GPLD1: variants seen among roughly 807,000 people sequenced by gnomAD.
The protein encoded by GPLD1 is glycosylphosphatidylinositol specific phospholipase D1, also known as phosphatidylinositol-glycan-specific phospholipase D.
Under a neutral mutation model 112.6 loss-of-function variants are expected in GPLD1, and 84 were observed. The observed-to-expected ratio is 0.75, with a 90% CI of 0.63 to 0.89. The LOEUF is 0.89. Among genes scored for constraint, GPLD1 ranks in the 40% least tolerant of loss-of-function variants. The pLI is 0.00. For synonymous variants in GPLD1, 386 were observed against 403.8 expected, an observed-to-expected ratio of 0.96 and a Z score of 0.53; for missense variants, 1,044 against 1,051.5, an observed-to-expected ratio of 0.99 and a Z score of 0.10.
intron 3 of GPLD1, among the ~76,000 whole-genome samples, chr6:24,477,721 C>T (rs755076623): frequency 3.3e-5 from 5 of 151,120 alleles, no homozygotes; most frequent in Non-Finnish European, 7.4e-5. Context: ...CAGAGCAAGA[C>T]CCTGTCTCTA....
intron 22 of GPLD1, 79 bp downstream of exon 22, chr6:24,436,497 A>C: frequency 7.9e-7 from 1 of 1,260,200 alleles, no homozygotes; most frequent in Non-Finnish European, 1.1e-6. Context: ...TAAGCACTTT[A>C]TAGTGGACAT....
chr6:24,473,395 AGT>A, intron 6 of GPLD1: 1 of 352,108 alleles, frequency 2.8e-6, no homozygotes, highest in Admixed American at 4.4e-5. Flanking sequence ...TCAACAACAA[AGT>A]GTAGAATTTT....
intron 7 of GPLD1, among the ~76,000 whole-genome samples, chr6:24,471,931 G>C (rs904369676): frequency 2.0e-5 from 3 of 152,056 alleles, no homozygotes; most frequent in African/African-American, 7.2e-5. Flanking sequence ...ACATTACAAA[G>C]GAAAAACTGA....
intron 20 of GPLD1, among the ~76,000 whole-genome samples, chr6:24,439,249 T>C (rs1473083110): frequency 6.6e-6 from 1 of 152,220 alleles, no homozygotes; most frequent in East Asian, 1.9e-4. Flanking sequence ...GGATGAACAC[T>C]GGCCCCAGTG....
chr6:24,424,720 G>A (rs1002522718), downstream of GPLD1: 2 of 152,194 alleles, frequency 1.3e-5, no homozygotes, highest in African/African-American at 2.4e-5. Flanking sequence ...CCAAAGTAGT[G>A]TGCATGGAAG....
intron 1 of GPLD1, among the ~76,000 whole-genome samples, chr6:24,488,264 T>G (rs943271887): frequency 1.3e-5 from 2 of 151,826 alleles, no homozygotes; most frequent in South Asian, 2.1e-4. Flanking sequence ...ACAAAAAAAT[T>G]AGCCAGGCGT....
chr6:24,434,526 G>C (rs1464625961), intron 22 of GPLD1, among the ~76,000 whole-genome samples: 1 of 150,202 alleles, frequency 6.7e-6, no homozygotes, highest in African/African-American at 2.5e-5. Context: ...TCAAATCTCT[G>C]TTGTGCCCTG....
At chr6:24,434,494 G>C (rs540238053) in intron 22 of GPLD1, among the ~76,000 whole-genome samples, 2 of 152,192 alleles carry the variant, frequency 1.3e-5, no homozygotes, top group South Asian at 4.2e-4. Context: ...CTTAAGGGTA[G>C]GCTTTAGAAT....
At chr6:24,447,806 C>A in intron 17 of GPLD1, 71 bp downstream of exon 17, 1 of 1,386,038 alleles carries the variant, frequency 7.2e-7, no homozygotes, top group Non-Finnish European at 1.0e-6. Flanking sequence ...GGATATAAAC[C>A]CCTATGCAGG....
chr6:24,441,577 C>G (rs966521104), intron 20 of GPLD1, among the ~76,000 whole-genome samples: 7 of 152,138 alleles, frequency 4.6e-5, no homozygotes, highest in Non-Finnish European at 8.8e-5. Context: ...TGATAAAAAG[C>G]AGGCACTAAT....
chr6:24,443,534 T>C (rs759029940), intron 20 of GPLD1, among the ~76,000 whole-genome samples: 3 of 152,344 alleles, frequency 2.0e-5, no homozygotes, highest in Non-Finnish European at 4.4e-5. Context: ...TCCAGTGGTA[T>C]ACTGAGTTAT....
Position 24,429,075 on chromosome 6 carries a change from C to T in GPLD1, c.2480G>A (p.Arg827Gln), listed in dbSNP as rs758804691. 9 of 1,613,636 alleles carry T rather than the reference C, an allele frequency of 5.6e-6. No individual in the cohort carries two copies. The highest frequency in any genetic ancestry group is 5.0e-5 in the Admixed American group (3 of 59,986). The stretch of plus-strand genomic sequence containing the variant: ...ATAGACGTGAAGTGCCCCGGAGAGT[C>T]GGGCTCCCAAAGAACTCCTTCCAGC... ...IAAGRSSLGA[R>Q]LSGALHVYSL... Residue 827 changes from arginine (R) to glutamine (Q), a missense_variant, in exon 25 of 25, where the codon CGA becomes CAA. Arg to Gln is a conservative substitution (Grantham distance 43). Coordinates refer to ENST00000230036, the MANE Select transcript of GPLD1 (RefSeq NM_001503.4).
intron 7 of GPLD1, among the ~76,000 whole-genome samples, chr6:24,468,561 A>ATTTT (rs199823696): frequency 6.7e-6 from 1 of 148,520 alleles, no homozygotes; most frequent in Non-Finnish European, 1.5e-5. Context: ...TTTTATTTTT[A>ATTTT]TTTTTTTTTT....
chr6:24,437,215 A>T lies in GPLD1; in HGVS notation c.2095T>A (p.Ser699Thr), dbSNP rs1441471918. The T allele has an allele frequency of 6.2e-7, 1 of 1,613,980 alleles. No homozygotes were observed. The highest frequency in any genetic ancestry group is 1.3e-5 in the African/African-American group (1 of 74,942). Residue 699 changes from serine (S) to threonine (T), a missense_variant, in exon 21 of 25, where the codon TCT becomes ACT. Ser to Thr is a moderately conservative substitution (Grantham distance 58). Transcript: ENST00000230036. ...GGATRMYALTSDAQPLLLSTF... is the reference protein window; with the variant it reads ...GGATRMYALTTDAQPLLLSTF... Reference sequence around the variant, plus strand: ...CTGAGCAGCAGAGGCTGCGCGTCAGATGTGAGTGCGTACATGCGAGTGGCT... The same window carrying T: ...CTGAGCAGCAGAGGCTGCGCGTCAGTTGTGAGTGCGTACATGCGAGTGGCT...
At chr6:24,451,756 ACC>A (rs1283117696) in intron 14 of GPLD1, among the ~76,000 whole-genome samples, 1 of 152,130 alleles carries the variant, frequency 6.6e-6, no homozygotes, top group East Asian at 1.9e-4. Flanking sequence ...ATCTCTCCAC[ACC>A]CGTGTGCAGT....
At chr6:24,446,477 G>C (rs1474765617) in intron 18 of GPLD1, among the ~76,000 whole-genome samples, 1 of 152,012 alleles carries the variant, frequency 6.6e-6, no homozygotes, top group African/African-American at 2.4e-5. Flanking sequence ...GCAACAGAGT[G>C]AACCCTCACC....
At chr6:24,476,436 G>A (rs1426466613) in intron 3 of GPLD1, among the ~76,000 whole-genome samples, 158 bp from the exon 4 acceptor site, 9 of 152,132 alleles carry the variant, frequency 5.9e-5, no homozygotes, top group Non-Finnish European at 8.8e-5. Context: ...CCTCTAAAAC[G>A]GAAGAGCCAG....
chr6:24,469,778 T>TAA (rs34088941), intron 7 of GPLD1, among the ~76,000 whole-genome samples: 38 of 148,822 alleles, frequency 2.6e-4, no homozygotes, highest in Non-Finnish European at 4.3e-4. Context: ...TAAAGTATAA[T>TAA]AAAAAAAAAA....
At chr6:24,486,235 G>C in intron 1 of GPLD1, 105 bp from the exon 2 acceptor site, 3 of 733,904 alleles carry the variant, frequency 4.1e-6, no homozygotes, top group Non-Finnish European at 7.1e-6. Context: ...GGTTATAACT[G>C]TCAAGGACGC....
Sources: gnomAD v4.1 joint callset for allele counts (sites outside exome capture counted in the v4.1 genomes callset) on GRCh38, gnomAD v4.1.1 for gene constraint, MANE v1.5 for transcripts, NCBI Gene and HGNC (gene_info 2026-07-23, HGNC 2026-07-21) for gene names.